The following TRHDE variants were observed in gnomAD, a reference collection of about 807,000 sequenced individuals.
TRHDE encodes thyrotropin-releasing hormone-degrading ectoenzyme.
Under a neutral mutation model 125.7 loss-of-function variants are expected in TRHDE, and 72 were observed. The observed-to-expected ratio is 0.57, with a 90% CI of 0.47 to 0.70. TRHDE has a LOEUF of 0.70. Ranked by LOEUF, TRHDE falls within the 30% of genes least tolerant of loss-of-function variation. The pLI, the probability that TRHDE is intolerant of heterozygous loss-of-function variation, is 0.00. For synonymous variants in TRHDE, 509 were observed against 509.1 expected (o/e 1.00, Z 0.00); for missense variants, 1,110 against 1,327.1 (o/e 0.84, Z 2.54).
chr12:72,628,613 A>T (rs1330938008), intron 15 of TRHDE, among the ~76,000 whole-genome samples: 1 of 151,884 alleles, frequency 6.6e-6, no homozygotes, highest in Admixed American at 6.6e-5. Flanking sequence ...GCTTTAGAGG[A>T]TCTCTATTCT....
At chr12:72,292,986 C>T (rs1880146206) in intron 2 of TRHDE, among the ~76,000 whole-genome samples, 1 of 152,128 alleles carries the variant, frequency 6.6e-6, no homozygotes. Flanking sequence ...TCTGAGGTCT[C>T]AGTGGGAGAG....
chr12:72,317,095 A>G lies in TRHDE; in HGVS notation c.1188+30141A>G, dbSNP rs138914787. Among the ~76,000 whole-genome samples, 412 of 152,324 alleles carry G rather than the reference A, an allele frequency of 2.7e-3. 3 individuals are homozygous for G. The highest frequency in any genetic ancestry group is 0.017 in the Middle Eastern group (5 of 294). On this transcript the variant is annotated intron_variant, in intron 2 of 18. Transcript: ENST00000261180. Reference sequence around the variant, plus strand: ...TTCACAACAATTCTGAGGGTATCATAATTCCATTTTTATAGGTGATAAGAC... The same window carrying G: ...TTCACAACAATTCTGAGGGTATCATGATTCCATTTTTATAGGTGATAAGAC...
At chr12:72,582,635 T>A (rs1279722979) in intron 12 of TRHDE, 1 of 984,452 alleles carries the variant, frequency 1.0e-6, no homozygotes, top group African/African-American at 1.7e-5. Flanking sequence ...CCTGCTTTGA[T>A]AGCTGGTTGT....
intron 2 of TRHDE, among the ~76,000 whole-genome samples, chr12:72,191,100 A>G (rs1168478319): frequency 6.6e-6 from 1 of 152,238 alleles, no homozygotes; most frequent in Non-Finnish European, 1.5e-5. Context: ...TTTGAAAAAA[A>G]GTAAGACAGT....
At chr12:72,551,539 G>A (rs1869672745) in intron 7 of TRHDE, among the ~76,000 whole-genome samples, 1 of 151,978 alleles carries the variant, frequency 6.6e-6, no homozygotes, top group African/African-American at 2.4e-5. Flanking sequence ...TCCTGTACCA[G>A]CTTTGCTTAG....
At chr12:72,251,847 A>C (rs1378754085) in intron 2 of TRHDE, among the ~76,000 whole-genome samples, 2 of 152,070 alleles carry the variant, frequency 1.3e-5, no homozygotes, top group East Asian at 1.9e-4. Context: ...ACTATTTTTT[A>C]AACATTTTAA....
intron 2 of TRHDE, among the ~76,000 whole-genome samples, chr12:72,124,517 G>C (rs536969012): frequency 6.6e-6 from 1 of 152,220 alleles, no homozygotes; most frequent in African/African-American, 2.4e-5. Flanking sequence ...AGATTAAATA[G>C]AGTGATCAGG....
chr12:72,479,504 A>T (rs1220523503), intron 5 of TRHDE, among the ~76,000 whole-genome samples: 1 of 152,066 alleles, frequency 6.6e-6, no homozygotes, highest in Non-Finnish European at 1.5e-5. Flanking sequence ...CTGTATATTA[A>T]CATATATTTC....
chr12:72,248,065 A>T (rs933020985), intron 2 of TRHDE, among the ~76,000 whole-genome samples: 3 of 152,146 alleles, frequency 2.0e-5, no homozygotes, highest in African/African-American at 7.2e-5. Context: ...GCATGTGTGT[A>T]TATGTGTGTA....
At chr12:72,274,692 G>A (rs779642439) in intron 1 of TRHDE, 1 of 152,202 alleles carries the variant, frequency 6.6e-6, no homozygotes, top group Non-Finnish European at 1.5e-5. Context: ...ACAAAGCACG[G>A]ATTTAGACCC....
intron 2 of TRHDE, among the ~76,000 whole-genome samples, chr12:72,373,371 ATACCCTT>A (rs1350048088): frequency 1.3e-5 from 2 of 152,130 alleles, no homozygotes; most frequent in Non-Finnish European, 2.9e-5. Context: ...TCCTAATTGA[ATACCCTT>A]TATTTCCTTC....
chr12:72,594,001 T>C (rs1234152784), intron 12 of TRHDE, among the ~76,000 whole-genome samples: 1 of 152,166 alleles, frequency 6.6e-6, no homozygotes, highest in Non-Finnish European at 1.5e-5. Flanking sequence ...TTTATAGCAG[T>C]ATGATTTATA....
intron 2 of TRHDE, among the ~76,000 whole-genome samples, chr12:72,156,897 G>A (rs571643865): frequency 6.6e-6 from 1 of 152,270 alleles, no homozygotes; most frequent in South Asian, 2.1e-4. Flanking sequence ...TGACATTCTA[G>A]CATCACATAA....
intron 3 of TRHDE, among the ~76,000 whole-genome samples, chr12:72,441,451 G>T (rs561295300): frequency 1.2e-4 from 18 of 151,854 alleles, no homozygotes; most frequent in Admixed American, 4.6e-4. Flanking sequence ...TAGTAAGACA[G>T]TTCATCATTG....
intron 7 of TRHDE, among the ~76,000 whole-genome samples, chr12:72,550,664 G>A (rs1342523571): frequency 6.6e-6 from 1 of 151,528 alleles, no homozygotes; most frequent in East Asian, 1.9e-4. Flanking sequence ...CATTTACTTT[G>A]GTGTCTAATT....
At chr12:72,346,004 A>G (rs192311236) in intron 2 of TRHDE, among the ~76,000 whole-genome samples, 9 of 122,762 alleles carry the variant, frequency 7.3e-5, no homozygotes, top group African/African-American at 2.0e-4. Flanking sequence ...CTATTTTTCT[A>G]TTAAGATAAA....
intron 2 of TRHDE, among the ~76,000 whole-genome samples, chr12:72,290,637 C>T (rs1421386155): frequency 6.6e-6 from 1 of 152,138 alleles, no homozygotes; most frequent in Non-Finnish European, 1.5e-5. Flanking sequence ...AGCTAGGGGC[C>T]AGAATCATTT....
intron 2 of TRHDE, among the ~76,000 whole-genome samples, chr12:72,356,380 T>C (rs1870821763): frequency 6.6e-6 from 1 of 151,234 alleles, no homozygotes; most frequent in Non-Finnish European, 1.5e-5. Flanking sequence ...CGGGGTCTAC[T>C]TGAGGGTGGA....
intron 2 of TRHDE, among the ~76,000 whole-genome samples, chr12:72,312,384 T>C (rs1868586582): frequency 6.6e-6 from 1 of 152,244 alleles, no homozygotes; most frequent in Non-Finnish European, 1.5e-5. Flanking sequence ...TATAGGAGGT[T>C]AGAACAACTT....
Sources: gnomAD v4.1 joint callset for allele counts (sites outside exome capture counted in the v4.1 genomes callset) on GRCh38, gnomAD v4.1.1 for gene constraint, MANE v1.5 for transcripts, NCBI Gene and HGNC (gene_info 2026-07-23, HGNC 2026-07-21) for gene names.